PRKN: variants seen among roughly 807,000 people sequenced by gnomAD.
PRKN encodes the protein E3 ubiquitin-protein ligase parkin.
PRKN carries 56 observed loss-of-function variants against 59.5 expected under a neutral mutation model. That is an observed-to-expected ratio of 0.94 (90% CI 0.76 to 1.18). The LOEUF (loss-of-function observed/expected upper bound fraction) is 1.18. PRKN is among the 50% of genes most tolerant of loss of function. PRKN has a pLI of 0.00. For missense variants in PRKN, 657 were observed against 596.4 expected (o/e 1.10, Z -1.06); for synonymous variants, 250 against 222.1 (o/e 1.13, Z -1.12).
At position 162,467,394 on chromosome 6, in the gene PRKN, A is replaced by G. The variant is rs534712209; in HGVS notation, c.8-23921T>C. 1.1e-4 allele frequency among the ~76,000 whole-genome samples: 17 copies of G among 152,200 alleles called. No individual in the cohort carries two copies. In the South Asian group the frequency reaches 3.3e-3, roughly 30 times the overall value. ...CATGCGCTCTCCTAAATTACTTAAC[A>G]TCAGTGACTGCCCCCACTCCACCCG... On this transcript the variant is annotated intron_variant, in intron 1 of 11. Coordinates refer to ENST00000366898, the MANE Select transcript of PRKN (RefSeq NM_004562.3).
chr6:161,750,768 CAA>C lies in PRKN; in HGVS notation c.871+35002_871+35003del, dbSNP rs112951182. Reference sequence around the variant, plus strand: ...GGCAACAAGTGTGAAACTCTTGTCTCAAAAAAAAAAAAAAAAGTATTAAAAAT... The same window carrying C: ...GGCAACAAGTGTGAAACTCTTGTCTCAAAAAAAAAAAAAAGTATTAAAAAT... On this transcript the variant is annotated intron_variant, in intron 7 of 11. Coordinates refer to ENST00000366898, the MANE Select transcript of PRKN (RefSeq NM_004562.3). Among the ~76,000 whole-genome samples, 730 of 106,054 alleles carry C rather than the reference CAA, an allele frequency of 6.9e-3. 9 individuals carry two copies. Among genetic ancestry groups the C allele is most frequent in the African/African-American group, 0.022 (638 of 28,930 alleles). 69.6% of individuals were successfully genotyped at this position (106,054 alleles called of 152,430 possible).
intron 2 of PRKN, chr6:162,269,656 T>C (rs1208215180): frequency 6.6e-6 from 1 of 152,236 alleles, no homozygotes; most frequent in African/African-American, 2.4e-5. Flanking sequence ...CTGTCTTCAA[T>C]ATCTTCAGTA....
At chr6:161,662,601 T>TG (rs1439120092) in intron 7 of PRKN, among the ~76,000 whole-genome samples, 1 of 152,118 alleles carries the variant, frequency 6.6e-6, no homozygotes, top group African/African-American at 2.4e-5. Flanking sequence ...CAGCAGCTTC[T>TG]GGGGAGTGAA....
At chr6:161,999,379 T>C (rs1781963133) in intron 5 of PRKN, among the ~76,000 whole-genome samples, 1 of 151,998 alleles carries the variant, frequency 6.6e-6, no homozygotes, top group African/African-American at 2.4e-5. Flanking sequence ...TGTAACAGCA[T>C]CATGAAAAAG....
chr6:161,414,013 G>A lies in PRKN; in HGVS notation c.1084-27136C>T, dbSNP rs894021225. The stretch of plus-strand genomic sequence containing the variant: ...GGTGCCTGAGAGAAGCAGCCAGGCA[G>A]AGCGGTGGGACGTGAAACTCCTCGA... On this transcript the variant is annotated intron_variant, in intron 9 of 11. Transcript: ENST00000366898. The surrounding 1 kb of genome is among the most constrained non-coding windows in gnomAD (Gnocchi z 5.3). 2.0e-5 allele frequency among the ~76,000 whole-genome samples: 3 copies of A among 152,172 alleles called. No individual in the cohort carries two copies. Among genetic ancestry groups the A allele is most frequent in the African/African-American group, 7.2e-5 (3 of 41,440 alleles).
chr6:162,168,473 T>A (rs1480910327), intron 4 of PRKN, among the ~76,000 whole-genome samples: 1 of 150,080 alleles, frequency 6.7e-6, no homozygotes, highest in Non-Finnish European at 1.5e-5. Flanking sequence ...GCATGGAACT[T>A]GTCTATGGTT....
intron 2 of PRKN, among the ~76,000 whole-genome samples, chr6:162,406,769 T>A (rs1788095864): frequency 6.6e-6 from 1 of 152,070 alleles, no homozygotes; most frequent in South Asian, 2.1e-4. Flanking sequence ...CAGCTTCTCC[T>A]CCCCTCTTCC....
intron 2 of PRKN, among the ~76,000 whole-genome samples, chr6:162,265,516 C>A (rs1450884994): frequency 1.3e-5 from 2 of 152,144 alleles, no homozygotes; most frequent in African/African-American, 2.4e-5. Flanking sequence ...CACGGTGAAA[C>A]CCCGTCTGTA....
intron 7 of PRKN, among the ~76,000 whole-genome samples, chr6:161,746,722 AT>A (rs1044064695): frequency 6.8e-6 from 1 of 147,234 alleles, no homozygotes; most frequent in Non-Finnish European, 1.5e-5. Context: ...ATAGATATAT[AT>A]GTCTATATCT....
Position 162,472,926 on chromosome 6 carries a change from C to T in PRKN, c.8-29453G>A, listed in dbSNP as rs142059731. ...AAATTATAGCCAGCTACTCCAGAAA[C>T]CTATAGTTGTGGTGTTTTGGAATTT... is the stretch of plus-strand genomic sequence containing the variant. On this transcript the variant is annotated intron_variant, in intron 1 of 11. Transcript: ENST00000366898. Among the ~76,000 whole-genome samples, 118 of 151,570 alleles carry T rather than the reference C, an allele frequency of 7.8e-4. 1 individual carries two copies. In the East Asian group the frequency reaches 0.019, roughly 24 times the overall value.
In PRKN at chr6:161,439,240, G is replaced by T. The variant is rs932548109; in HGVS notation, c.1084-52363C>A. On this transcript the variant is annotated intron_variant, in intron 9 of 11. Transcript: ENST00000366898. ...AATGACTCATTAGTCCCGGGCTCAC[G>T]GCAGATGCGGTCTCCCAACAACTGG... 2.6e-5 allele frequency among the ~76,000 whole-genome samples: 4 copies of T among 152,162 alleles called. No homozygotes were observed. In the East Asian group the frequency reaches 5.8e-4, roughly 22 times the overall value.
intron 9 of PRKN, among the ~76,000 whole-genome samples, chr6:161,521,551 A>T (rs887418871): frequency 6.6e-6 from 1 of 152,262 alleles, no homozygotes; most frequent in African/African-American, 2.4e-5. Context: ...CCTCAAAGAA[A>T]TGAAAGATAA....
chr6:162,300,271 A>G (rs1781882613), intron 2 of PRKN, among the ~76,000 whole-genome samples: 1 of 152,098 alleles, frequency 6.6e-6, no homozygotes, highest in Non-Finnish European at 1.5e-5. Context: ...TCTTTAAAAA[A>G]AAAAACACAT....
intron 2 of PRKN, among the ~76,000 whole-genome samples, chr6:162,297,174 C>CTTT (rs10681721): frequency 0.024 from 3,283 of 139,306 alleles, 104 homozygotes; most frequent in African/African-American, 0.072. Context: ...TTTTTCTTTT[C>CTTT]TTTTTTTTTT....
chr6:162,401,980 T>G (rs1169731831), intron 2 of PRKN, among the ~76,000 whole-genome samples: 1 of 152,078 alleles, frequency 6.6e-6, no homozygotes, highest in Non-Finnish European at 1.5e-5. Flanking sequence ...CCGGGTGAAG[T>G]GGCTCATCCC....
Position 161,379,641 on chromosome 6 carries a change from GAAGCCCACATCGA to G in PRKN, c.1167+7140_1167+7152del, listed in dbSNP as rs1785882470. ...CCCAAAGCCTTTCTTCCTTCTGCGGGAAGCCCACATCGAAAACCTGGTCTATGCATAGGGATGT... is the reference window on the plus strand; with the variant it reads ...CCCAAAGCCTTTCTTCCTTCTGCGGGAAACCTGGTCTATGCATAGGGATGT... On this transcript the variant is annotated intron_variant, in intron 10 of 11. Coordinates refer to ENST00000366898, the MANE Select transcript of PRKN (RefSeq NM_004562.3). The surrounding 1 kb of genome is among the most constrained non-coding windows in gnomAD (Gnocchi z 4.9). 6.6e-6 allele frequency among the ~76,000 whole-genome samples: 1 copy of G among 152,160 alleles called. No homozygotes were observed. Among genetic ancestry groups the G allele is most frequent in the Non-Finnish European group, 1.5e-5 (1 of 68,024 alleles).
intron 7 of PRKN, among the ~76,000 whole-genome samples, chr6:161,697,805 T>A (rs1258079427): frequency 2.6e-5 from 4 of 152,292 alleles, no homozygotes; most frequent in Non-Finnish European, 2.9e-5. Flanking sequence ...TGAAAATCAA[T>A]CCCTGGCATT....
At position 161,419,410 on chromosome 6, in the gene PRKN, T is replaced by C. The variant is rs959611547; in HGVS notation, c.1084-32533A>G. Among the ~76,000 whole-genome samples, 1 of 150,646 alleles carries C rather than the reference T, an allele frequency of 6.6e-6. No individual in the cohort carries two copies. Among genetic ancestry groups the C allele is most frequent in the African/African-American group, 2.4e-5 (1 of 40,870 alleles). The stretch of plus-strand genomic sequence containing the variant: ...TTTTCTTCTTCTTTTTTTTTTTAAA[T>C]GGAGTCTCGCTCTGTTGCCCAGGCT... On this transcript the variant is annotated intron_variant, in intron 9 of 11. Coordinates refer to ENST00000366898, the MANE Select transcript of PRKN (RefSeq NM_004562.3). This position sits in a 1 kb window ranked among gnomAD's most constrained non-coding sequence, Gnocchi z 4.1.
chr6:161,533,649 T>TCAGA lies in PRKN; in HGVS notation c.1083+15201_1083+15204dup, dbSNP rs1420936104. Among the ~76,000 whole-genome samples the TCAGA allele has an allele frequency of 6.6e-6, 1 of 152,098 alleles. No homozygotes were observed. Among genetic ancestry groups the TCAGA allele is most frequent in the East Asian group, 1.9e-4 (1 of 5,178 alleles). On this transcript the variant is annotated intron_variant, in intron 9 of 11. Transcript: ENST00000366898. The surrounding 1 kb of genome is among the most constrained non-coding windows in gnomAD (Gnocchi z 4.1). ...AACCAATCTGTGAGCCCTACGTAAA[T>TCAGA]CAGACACTGCCTCCTCAAGCCTGCC... is the stretch of plus-strand genomic sequence containing the variant.
Sources: allele counts gnomAD v4.1 joint callset (sites outside exome capture counted in the v4.1 genomes callset), GRCh38; gene constraint gnomAD v4.1.1; non-coding constraint Gnocchi (gnomAD v3.1); transcripts MANE v1.5; gene names NCBI Gene and HGNC (gene_info 2026-07-23, HGNC 2026-07-21).